Variants in SLF1 observed in about 807,000 individuals in gnomAD.
SLF1 encodes SMC5/6 complex localization factor 1.
A neutral mutation model predicts 123.0 loss-of-function variants in SLF1; 105 were observed. The ratio of observed to expected loss-of-function variants is 0.85; its 90% CI spans 0.73 to 1.00. The LOEUF is 1.00. Ranked by LOEUF, SLF1 falls within the 50% of genes least tolerant of loss-of-function variation. SLF1 has a pLI of 0.00. For missense variants in SLF1, 1,239 were observed against 1,223.0 expected, an observed-to-expected ratio of 1.01 and a Z score of -0.20; for synonymous variants, 434 against 406.6, an observed-to-expected ratio of 1.07 and a Z score of -0.81.
At chr5:94,625,259 A>C (rs2152463262) in intron 1 of SLF1, among the ~76,000 whole-genome samples, 1 of 152,092 alleles carries the variant, frequency 6.6e-6, no homozygotes, top group East Asian at 1.9e-4. Flanking sequence ...GTGGTTTTTG[A>C]TAAAACCAAT....
chr5:94,638,765 G>A (rs759173398), intron 4 of SLF1, among the ~76,000 whole-genome samples: 12 of 152,178 alleles, frequency 7.9e-5, no homozygotes, highest in Admixed American at 2.0e-4. Context: ...GGTTTACGCC[G>A]GTATCCCAGG....
intron 16 of SLF1, among the ~76,000 whole-genome samples, chr5:94,687,728 A>G (rs1464767858): frequency 6.6e-6 from 1 of 150,964 alleles, no homozygotes; most frequent in East Asian, 2.0e-4. Flanking sequence ...CAAAGAAAGA[A>G]AAGAAAGGAA....
intron 14 of SLF1, among the ~76,000 whole-genome samples, chr5:94,677,838 A>G (rs770175571): frequency 1.3e-5 from 2 of 152,302 alleles, no homozygotes; most frequent in Non-Finnish European, 2.9e-5. Flanking sequence ...AGGGTAAAGC[A>G]CGCTTAGAAG....
intron 1 of SLF1, among the ~76,000 whole-genome samples, chr5:94,621,466 C>T (rs1791779318): frequency 6.6e-6 from 1 of 152,162 alleles, no homozygotes; most frequent in African/African-American, 2.4e-5. Flanking sequence ...AAAATTAAAT[C>T]CTGCTTGTTC....
At chr5:94,625,198 A>AC (rs1433698569) in intron 1 of SLF1, among the ~76,000 whole-genome samples, 1 of 141,086 alleles carries the variant, frequency 7.1e-6, no homozygotes, top group Non-Finnish European at 1.6e-5. Flanking sequence ...GTCTCAAAAA[A>AC]AAAAAAAAAA....
In SLF1 at chr5:94,689,504, T is replaced by C. The variant is rs774223532; in HGVS notation, c.2317T>C (p.Leu773=). The change falls in exon 18 of 21, where the codon TTA becomes CTA. Residue 773 remains leucine (L), a synonymous_variant. Transcript: ENST00000265140. Reference sequence around the variant, plus strand: ...GAACCTTGCTAAATGTTCCTCATCATTAAAAAAATTGAAAAAGAAGTCAGA... The same window carrying C: ...GAACCTTGCTAAATGTTCCTCATCACTAAAAAAATTGAAAAAGAAGTCAGA... ...DLNLAKCSSS[L]KKLKKKSEGE... is the part of the protein sequence containing the mutation. 1 of 1,612,728 alleles carries C rather than the reference T, an allele frequency of 6.2e-7. No individual in the cohort carries two copies. Among genetic ancestry groups the C allele is most frequent in the East Asian group, 2.2e-5 (1 of 44,786 alleles).
intron 5 of SLF1, among the ~76,000 whole-genome samples, chr5:94,646,585 A>C (rs954351507): frequency 3.3e-5 from 5 of 152,222 alleles, no homozygotes; most frequent in African/African-American, 1.2e-4. Flanking sequence ...TGTTTGGCCC[A>C]AGGAAGGTTT....
At chr5:94,676,738 G>A (rs755945025) in intron 14 of SLF1, among the ~76,000 whole-genome samples, 1 of 152,230 alleles carries the variant, frequency 6.6e-6, no homozygotes, top group African/African-American at 2.4e-5. Flanking sequence ...GGTCCTGACT[G>A]TGTTTTCCTT....
intron 9 of SLF1, among the ~76,000 whole-genome samples, chr5:94,658,164 T>TTTG (rs935818437): frequency 1.3e-5 from 2 of 148,906 alleles, no homozygotes; most frequent in East Asian, 3.9e-4. Flanking sequence ...TGTTTTTTGT[T>TTTG]TTTTTTTTTT....
intron 15 of SLF1, among the ~76,000 whole-genome samples, chr5:94,682,425 A>C (rs968260068): frequency 1.3e-5 from 2 of 152,070 alleles, no homozygotes; most frequent in South Asian, 2.1e-4. Flanking sequence ...TGCTTTTCCC[A>C]AGTCATTAGT....
intron 3 of SLF1, among the ~76,000 whole-genome samples, chr5:94,630,066 C>A (rs1030404103): frequency 3.3e-5 from 5 of 151,846 alleles, no homozygotes; most frequent in African/African-American, 1.2e-4. Context: ...ATGCCGTGAA[C>A]AATATTGGAA....
At chr5:94,667,201 G>T (rs929996128) in intron 12 of SLF1, among the ~76,000 whole-genome samples, 5 of 152,092 alleles carry the variant, frequency 3.3e-5, no homozygotes, top group African/African-American at 1.2e-4. Flanking sequence ...CTACATTTTA[G>T]GGATTAAAAA....
In SLF1 at chr5:94,676,230, G is replaced by A. The variant is rs979208219; in HGVS notation, c.1828-2578G>A. Among the ~76,000 whole-genome samples, 4 of 152,128 alleles carry A rather than the reference G, an allele frequency of 2.6e-5. 1 individual carries two copies. The highest frequency in any genetic ancestry group is 9.7e-5 in the African/African-American group (4 of 41,422). ...ACTAGTTTAAATATATATTTTCACT[G>A]TTCTGTTTTATATTCTCTTGATAAC... On this transcript the variant is annotated intron_variant, in intron 14 of 20. Transcript: ENST00000265140.
intron 7 of SLF1, among the ~76,000 whole-genome samples, 180 bp from the exon 8 acceptor site, chr5:94,653,092 G>C (rs944847781): frequency 5.3e-5 from 8 of 152,060 alleles, no homozygotes; most frequent in Non-Finnish European, 1.0e-4. Context: ...CCCGACCTCA[G>C]GTGATCCGCC....
intron 9 of SLF1, among the ~76,000 whole-genome samples, chr5:94,658,421 A>AG (rs1748685672): frequency 7.4e-6 from 1 of 135,938 alleles, no homozygotes; most frequent in South Asian, 2.3e-4. Flanking sequence ...TTGCCTGTTG[A>AG]GTTGGGTTTG....
chr5:94,683,099 G>GT lies in SLF1; in HGVS notation c.1976-3465dup, dbSNP rs201012737. The stretch of plus-strand genomic sequence containing the variant: ...AAGATGTCATCAAAATTTACTATAG[G>GT]TTTTTTTTTCATATCTTTGGAGAAC... On this transcript the variant is annotated intron_variant, in intron 15 of 20. Transcript: ENST00000265140. 2.6e-3 allele frequency among the ~76,000 whole-genome samples: 399 copies of GT among 151,272 alleles called. 2 individuals carry two copies. The highest frequency in any genetic ancestry group is 9.2e-3 in the African/African-American group (378 of 41,214).
chr5:94,693,694 A>T (rs557126858), intron 20 of SLF1, among the ~76,000 whole-genome samples: 1 of 151,712 alleles, frequency 6.6e-6, no homozygotes, highest in African/African-American at 2.4e-5. Context: ...TAATTTCAAG[A>T]ATTTATTTAT....
At chr5:94,678,665 G>T (rs1250123997) in intron 14 of SLF1, 143 bp from the exon 15 acceptor site, 5 of 673,598 alleles carry the variant, frequency 7.4e-6, no homozygotes, top group Non-Finnish European at 1.2e-5. Context: ...GTTAGCTAGG[G>T]TTCTTAAGAA....
In SLF1 at chr5:94,653,435, G is replaced by A; in HGVS notation, c.1032+14G>A. The stretch of plus-strand genomic sequence containing the variant: ...AATAGAGATCAGGTAAAGTTTGTAA[G>A]CTAAGCTATAGCTTTCTTTTTTATT... On this transcript the variant is annotated intron_variant, in intron 8 of 20. Transcript: ENST00000265140. 1 of 1,480,076 alleles carries A rather than the reference G, an allele frequency of 6.8e-7. No individual in the cohort carries two copies. The highest frequency in any genetic ancestry group is 8.9e-7 in the Non-Finnish European group (1 of 1,121,996). 91.7% of individuals were successfully genotyped at this position (1,480,076 alleles called of 1,614,324 possible).
Sources: gnomAD v4.1 joint callset for allele counts (sites outside exome capture counted in the v4.1 genomes callset) on GRCh38, gnomAD v4.1.1 for gene constraint, MANE v1.5 for transcripts, NCBI Gene and HGNC (gene_info 2026-07-23, HGNC 2026-07-21) for gene names.